Variants in CCDC25 observed in about 807,000 individuals in gnomAD.
CCDC25 encodes coiled-coil domain containing 25, also known as coiled-coil domain-containing protein 25.
In CCDC25, 16 loss-of-function variants were observed where a neutral mutation model predicts 35.3. The ratio of observed to expected loss-of-function variants is 0.45; its 90% CI spans 0.31 to 0.69. The LOEUF (loss-of-function observed/expected upper bound fraction) is 0.69, where lower values mean the gene tolerates loss of function less well. Ranked by LOEUF, CCDC25 falls within the 30% of genes least tolerant of loss-of-function variation. The probability of loss-of-function intolerance (pLI) is 0.06; values close to 1 mark genes in which losing one functional copy is unlikely to be tolerated. For synonymous variants in CCDC25, 79 were observed against 80.3 expected, an observed-to-expected ratio of 0.98 and a Z score of 0.09; for missense variants, 179 against 250.7, an observed-to-expected ratio of 0.71 and a Z score of 1.93.
intron 7 of CCDC25, among the ~76,000 whole-genome samples, chr8:27,747,552 T>G (rs1200625721): frequency 1.3e-5 from 2 of 152,258 alleles, no homozygotes; most frequent in African/African-American, 4.8e-5. Context: ...CATGGCCTTC[T>G]TCACTAGAAT....
At chr8:27,756,317 C>G (rs913714825) in intron 4 of CCDC25, 1 of 162,562 alleles carries the variant, frequency 6.2e-6, no homozygotes, top group African/African-American at 2.4e-5. Flanking sequence ...TTCTTTTAAA[C>G]TTCCTAAAGA....
At chr8:27,757,699 C>T (rs1046310092) in intron 3 of CCDC25, among the ~76,000 whole-genome samples, 5 of 152,182 alleles carry the variant, frequency 3.3e-5, no homozygotes, top group African/African-American at 1.2e-4. Flanking sequence ...ACACAACAAA[C>T]AAGGTAACAC....
At chr8:27,739,873 A>G (rs1162471282) in intron 8 of CCDC25, among the ~76,000 whole-genome samples, 2 of 152,236 alleles carry the variant, frequency 1.3e-5, no homozygotes, top group African/African-American at 4.8e-5. Context: ...ATTTTGGGAA[A>G]GACAGCCCTC....
chr8:27,764,692 A>G (rs1473048682), intron 2 of CCDC25, among the ~76,000 whole-genome samples: 1 of 152,194 alleles, frequency 6.6e-6, no homozygotes, highest in Non-Finnish European at 1.5e-5. Flanking sequence ...CTAGATTTGT[A>G]TCTATATATT....
chr8:27,762,381 G>T, intron 3 of CCDC25, 38 bp downstream of exon 3: 1 of 1,584,912 alleles, frequency 6.3e-7, no homozygotes, highest in Non-Finnish European at 8.7e-7. Flanking sequence ...GAAAGGAAAT[G>T]ATGATCTACA....
At chr8:27,757,959 CTCGCTTCCCCTTTGCCT>C (rs1804075860) in intron 3 of CCDC25, among the ~76,000 whole-genome samples, 1 of 152,130 alleles carries the variant, frequency 6.6e-6, no homozygotes, top group Non-Finnish European at 1.5e-5. Context: ...TGTAAGCCGC[CTCGCTTCCCCTTTGCCT>C]TCTGCCATGA....
chr8:27,767,968 G>T (rs371294692), intron 1 of CCDC25, among the ~76,000 whole-genome samples: 17 of 152,112 alleles, frequency 1.1e-4, no homozygotes, highest in East Asian at 5.8e-4. Flanking sequence ...TTGGGAGGCT[G>T]AGGCAGGTGG....
chr8:27,734,959 G>T lies in CCDC25; in HGVS notation c.*1257C>A, dbSNP rs190307145. 2.0e-5 allele frequency: 3 copies of T among 152,280 alleles called. No homozygotes were observed. Among genetic ancestry groups the T allele is most frequent in the Admixed American group, 2.0e-4 (3 of 15,296 alleles). The allele number at this position is 152,280 out of a possible 1,614,324, so 9.4% of individuals were successfully genotyped here. On this transcript the variant is annotated 3_prime_UTR_variant, in exon 9 of 9. Coordinates refer to ENST00000356537, the MANE Select transcript of CCDC25 (RefSeq NM_018246.3). The stretch of plus-strand genomic sequence containing the variant: ...TCAGACTGAGCCTATGATGAATGAG[G>T]TTTTTTAGAGCAAGATCACCCTCAA...
At position 27,735,491 on chromosome 8, in the gene CCDC25, G is replaced by C. The variant is rs1313610098; in HGVS notation, c.*725C>G. On this transcript the variant is annotated 3_prime_UTR_variant, in exon 9 of 9. Transcript: ENST00000356537. ...CTCAATGCTGAGAAATTACTCCTGG[G>C]CCCAGAAGTTGTCACATAGGTGGCT... The C allele has an allele frequency of 2.0e-5, 3 of 152,196 alleles. No homozygotes were observed. The highest frequency in any genetic ancestry group is 4.4e-5 in the Non-Finnish European group (3 of 68,060). The allele number at this position is 152,196 out of a possible 1,614,324, so 9.4% of individuals were successfully genotyped here.
chr8:27,765,762 C>G (rs1444110025), intron 1 of CCDC25, among the ~76,000 whole-genome samples: 3 of 152,180 alleles, frequency 2.0e-5, no homozygotes, highest in Non-Finnish European at 4.4e-5. Flanking sequence ...AACAGGCTCT[C>G]TATCACATTC....
At chr8:27,755,218 C>T (rs948383276) in intron 4 of CCDC25, among the ~76,000 whole-genome samples, 6 of 152,164 alleles carry the variant, frequency 3.9e-5, no homozygotes, top group African/African-American at 1.4e-4. Context: ...AGGGAAAATA[C>T]AAGACGAGCC....
chr8:27,740,675 T>C (rs1803407839), intron 7 of CCDC25, among the ~76,000 whole-genome samples, 158 bp from the exon 8 acceptor site: 1 of 152,204 alleles, frequency 6.6e-6, no homozygotes, highest in African/African-American at 2.4e-5. Context: ...ATTGCAACAT[T>C]CAAAGGATGA....
rs749458118 is a variant in CCDC25 at position 27,752,629 on chromosome 8, TCCATTGACAC to T, written c.169-52_169-43del. 18 of 1,479,280 alleles carry T rather than the reference TCCATTGACAC, an allele frequency of 1.2e-5. 1 individual carries two copies. The South Asian group carries it at 2.0e-4, about 17-fold the overall frequency. The allele number at this position is 1,479,280 out of a possible 1,614,324, so 91.6% of individuals were successfully genotyped here. ...AACCAATTGGTCCACTACCTCATTA[TCCATTGACAC>T]TGGAGCACTCAAAGGGCATTTGCTG... On this transcript the variant is annotated intron_variant, in intron 4 of 8. Coordinates refer to ENST00000356537, the MANE Select transcript of CCDC25 (RefSeq NM_018246.3).
At chr8:27,748,717 C>T in intron 5 of CCDC25, 119 bp from the exon 6 acceptor site, 1 of 712,858 alleles carries the variant, frequency 1.4e-6, no homozygotes, top group Admixed American at 2.5e-5. Flanking sequence ...AACAGGCCAC[C>T]CCTTGTTTTA....
chr8:27,744,306 T>C (rs1803534484), intron 7 of CCDC25, among the ~76,000 whole-genome samples: 1 of 152,156 alleles, frequency 6.6e-6, no homozygotes, highest in Admixed American at 6.5e-5. Flanking sequence ...TCTCAGTATA[T>C]TCATGACGTA....
chr8:27,737,639 A>AC lies in CCDC25; in HGVS notation c.598-1395dup, dbSNP rs1803280542. Among the ~76,000 whole-genome samples, 1 of 152,246 alleles carries AC rather than the reference A, an allele frequency of 6.6e-6. No homozygotes were observed. The highest frequency in any genetic ancestry group is 1.5e-5 in the Non-Finnish European group (1 of 68,044). On this transcript the variant is annotated intron_variant, in intron 8 of 8. Coordinates refer to ENST00000356537, the MANE Select transcript of CCDC25 (RefSeq NM_018246.3). This position sits in a 1 kb window ranked among gnomAD's most constrained non-coding sequence, Gnocchi z 4.6. ...TTCTTCACTGCTGGTGGGAATGTAA[A>AC]CTAGTACAGCCACTATGGAAAACAG...
At chr8:27,771,492 C>T (rs1377426594) in intron 1 of CCDC25, among the ~76,000 whole-genome samples, 1 of 152,154 alleles carries the variant, frequency 6.6e-6, no homozygotes, top group African/African-American at 2.4e-5. Flanking sequence ...TAACAACGTA[C>T]TGTAATAAAA....
Position 27,756,781 on chromosome 8 carries a change from T to C in CCDC25, c.117-11A>G. The C allele has an allele frequency of 2.5e-6, 4 of 1,604,654 alleles. No individual in the cohort carries two copies. Among genetic ancestry groups the C allele is most frequent in the Non-Finnish European group, 3.4e-6 (4 of 1,171,504 alleles). On this transcript the variant is annotated splice_polypyrimidine_tract_variant and intron_variant, in intron 3 of 8. Coordinates refer to ENST00000356537, the MANE Select transcript of CCDC25 (RefSeq NM_018246.3). ...TTGTCCACATGAAACCTACAAAGAATGAAAACCACTTTTAGCAAGAGGTAC... is the reference window on the plus strand; with the variant it reads ...TTGTCCACATGAAACCTACAAAGAACGAAAACCACTTTTAGCAAGAGGTAC...
chr8:27,739,941 G>T (rs1356609140), intron 8 of CCDC25, among the ~76,000 whole-genome samples: 1 of 152,160 alleles, frequency 6.6e-6, no homozygotes, highest in African/African-American at 2.4e-5. Context: ...ATGTTAAGAA[G>T]ATCCTTTCAG....
Sources: gnomAD v4.1 joint callset for allele counts (sites outside exome capture counted in the v4.1 genomes callset) on GRCh38, gnomAD v4.1.1 for gene constraint, Gnocchi (gnomAD v3.1) non-coding constraint, MANE v1.5 for transcripts, NCBI Gene and HGNC (gene_info 2026-07-23, HGNC 2026-07-21) for gene names.